NLGN1: variants seen among roughly 807,000 people sequenced by gnomAD.
NLGN1 encodes neuroligin 1.
Under a neutral mutation model 65.5 loss-of-function variants are expected in NLGN1, and 12 were observed. The observed-to-expected ratio is 0.18, with a 90% CI of 0.12 to 0.30. The LOEUF (loss-of-function observed/expected upper bound fraction) is 0.30. NLGN1 is among the 10% of genes least tolerant of loss of function. The pLI, the probability that NLGN1 is intolerant of heterozygous loss-of-function variation, is 1.00. For synonymous variants in NLGN1, 350 were observed against 359.5 expected, an observed-to-expected ratio of 0.97 and a Z score of 0.30; for missense variants, 750 against 1,007.1, an observed-to-expected ratio of 0.74 and a Z score of 3.46.
chr3:173,466,319 T>C (rs1028348804), intron 2 of NLGN1, among the ~76,000 whole-genome samples: 2 of 152,196 alleles, frequency 1.3e-5, no homozygotes, highest in Non-Finnish European at 2.9e-5. Context: ...TCTTGTGTTA[T>C]ATACAGTGCT....
intron 3 of NLGN1, chr3:173,789,982 T>G (rs1560376254): frequency 1.6e-5 from 7 of 433,140 alleles, no homozygotes; most frequent in South Asian, 1.2e-4. Context: ...TTTAATCCTT[T>G]GTTGTCATAA....
At chr3:173,734,048 T>C (rs1773312667) in intron 3 of NLGN1, among the ~76,000 whole-genome samples, 1 of 152,090 alleles carries the variant, frequency 6.6e-6, no homozygotes. Context: ...AAGTAGACTT[T>C]GCGGTTATAT....
intron 2 of NLGN1, among the ~76,000 whole-genome samples, chr3:173,479,174 A>G (rs533749539): frequency 2.1e-4 from 32 of 152,296 alleles, no homozygotes; most frequent in African/African-American, 7.7e-4. Flanking sequence ...ATTTGAAGAC[A>G]TAAAAATAAG....
chr3:173,499,509 T>C (rs1192506475), intron 2 of NLGN1, among the ~76,000 whole-genome samples: 2 of 151,898 alleles, frequency 1.3e-5, no homozygotes, highest in Non-Finnish European at 2.9e-5. Context: ...GCTTTGTTCT[T>C]TTGCGTTAGG....
chr3:174,161,196 T>C (rs1457865016), intron 4 of NLGN1, among the ~76,000 whole-genome samples: 1 of 115,062 alleles, frequency 8.7e-6, no homozygotes, highest in Non-Finnish European at 2.0e-5. Context: ...ATGGAAAACT[T>C]CTTTATGAAT....
intron 4 of NLGN1, among the ~76,000 whole-genome samples, chr3:173,810,686 T>G (rs1717738593): frequency 6.6e-6 from 1 of 152,220 alleles, no homozygotes; most frequent in Non-Finnish European, 1.5e-5. Flanking sequence ...AATTAGAAAA[T>G]TCGTACAGCT....
At chr3:174,105,292 C>A (rs545927339) in intron 4 of NLGN1, among the ~76,000 whole-genome samples, 1 of 152,150 alleles carries the variant, frequency 6.6e-6, no homozygotes, top group East Asian at 1.9e-4. Context: ...GTCATCCCAG[C>A]CTTTGGGAGC....
chr3:173,632,392 G>T (rs1450820649), intron 3 of NLGN1, among the ~76,000 whole-genome samples: 1 of 152,146 alleles, frequency 6.6e-6, no homozygotes, highest in Non-Finnish European at 1.5e-5. Context: ...AAGTGACGAA[G>T]TTCATCTTGC....
chr3:173,549,257 A>G (rs1200003167), intron 2 of NLGN1, among the ~76,000 whole-genome samples: 1 of 152,054 alleles, frequency 6.6e-6, no homozygotes, highest in Non-Finnish European at 1.5e-5. Context: ...CTGTTTCCTG[A>G]GTAAATGAAA....
At chr3:173,673,554 C>A (rs955704047) in intron 3 of NLGN1, among the ~76,000 whole-genome samples, 1 of 152,130 alleles carries the variant, frequency 6.6e-6, no homozygotes, top group African/African-American at 2.4e-5. Flanking sequence ...AGGAATGTTG[C>A]GGGAGTATCA....
At chr3:173,660,998 A>G (rs1202730548) in intron 3 of NLGN1, among the ~76,000 whole-genome samples, 1 of 151,918 alleles carries the variant, frequency 6.6e-6, no homozygotes, top group Non-Finnish European at 1.5e-5. Context: ...AGCACTCATA[A>G]AATATTATCT....
intron 2 of NLGN1, among the ~76,000 whole-genome samples, chr3:173,506,809 C>T (rs1438284690): frequency 6.6e-6 from 1 of 152,130 alleles, no homozygotes; most frequent in African/African-American, 2.4e-5. Context: ...AGAACTACAG[C>T]ATTATGCTAT....
chr3:173,799,444 G>A (rs1172183635), intron 3 of NLGN1, among the ~76,000 whole-genome samples: 3 of 151,868 alleles, frequency 2.0e-5, no homozygotes, highest in African/African-American at 7.2e-5. Flanking sequence ...CATTCACAGT[G>A]TTTTAATACA....
At chr3:173,845,376 A>C (rs1481703147) in intron 4 of NLGN1, among the ~76,000 whole-genome samples, 1 of 152,152 alleles carries the variant, frequency 6.6e-6, no homozygotes, top group Admixed American at 6.5e-5. Context: ...TCTACTTTCT[A>C]TTATAGAGCA....
In NLGN1 at chr3:173,986,720, A is replaced by G. The variant is rs1335739413; in HGVS notation, c.646+178888A>G. On this transcript the variant is annotated intron_variant, in intron 4 of 6. Transcript: ENST00000457714. ...GCCCTAGCAAACTAATACAGCGTCT[A>G]GATGCTGGAATCAAGTCTCTGGGTC... Among the ~76,000 whole-genome samples, 6 of 152,322 alleles carry G rather than the reference A, an allele frequency of 3.9e-5. No homozygotes were observed. In the East Asian group the frequency reaches 7.7e-4, roughly 20 times the overall value.
chr3:174,107,221 A>ACC (rs1714136028), intron 4 of NLGN1, among the ~76,000 whole-genome samples: 1 of 152,084 alleles, frequency 6.6e-6, no homozygotes, highest in Admixed American at 6.6e-5. Flanking sequence ...AAGGTAAAGA[A>ACC]CACTACCATC....
intron 2 of NLGN1, among the ~76,000 whole-genome samples, chr3:173,488,246 A>G (rs694154): frequency 0.1 from 15,183 of 152,020 alleles, 891 homozygotes; most frequent in Admixed American, 0.18. Flanking sequence ...ATCATTTTAT[A>G]TATTCATACT....
chr3:173,796,574 CAGG>C (rs1714122491), intron 3 of NLGN1, among the ~76,000 whole-genome samples: 2 of 152,044 alleles, frequency 1.3e-5, no homozygotes, highest in Admixed American at 1.3e-4. Flanking sequence ...TTCAAAATGA[CAGG>C]AGGTCTACTC....
intron 3 of NLGN1, among the ~76,000 whole-genome samples, chr3:173,691,804 G>A (rs536513498): frequency 3.3e-5 from 5 of 151,944 alleles, no homozygotes; most frequent in East Asian, 3.9e-4. Flanking sequence ...ATGAAACAAC[G>A]GCAACAAATA....
Sources: gnomAD v4.1 joint callset for allele counts (sites outside exome capture counted in the v4.1 genomes callset) on GRCh38, gnomAD v4.1.1 for gene constraint, MANE v1.5 for transcripts, NCBI Gene and HGNC (gene_info 2026-07-23, HGNC 2026-07-21) for gene names.